Variants in CDCP1 observed in about 807,000 individuals in gnomAD.
CDCP1 encodes the protein CUB domain containing protein 1.
CDCP1 carries 29 observed loss-of-function variants against 60.2 expected under a neutral mutation model. The observed-to-expected ratio is 0.48, with a 90% CI of 0.36 to 0.66. The LOEUF (loss-of-function observed/expected upper bound fraction) is 0.66, where lower values mean the gene tolerates loss of function less well. Among genes scored for constraint, CDCP1 ranks in the 30% least tolerant of loss-of-function variants. The pLI, the probability that CDCP1 is intolerant of heterozygous loss-of-function variation, is 0.00. For synonymous variants in CDCP1, 387 were observed against 431.1 expected, an observed-to-expected ratio of 0.90 and a Z score of 1.27; for missense variants, 876 against 1,074.3, an observed-to-expected ratio of 0.82 and a Z score of 2.58.
Position 45,085,814 on chromosome 3 carries a change from T to C in CDCP1, c.2335A>G (p.Ile779Val). The C allele has an allele frequency of 6.2e-7, 1 of 1,613,986 alleles. No homozygotes were observed. Among genetic ancestry groups the C allele is most frequent in the Non-Finnish European group, 8.5e-7 (1 of 1,179,980 alleles). The change falls in exon 9 of 9, where the codon ATA (isoleucine) becomes GTA (valine). Residue 779 changes from isoleucine (I) to valine (V), a missense_variant. By Grantham distance (29) the Ile-to-Val change is conservative. This residue lies in a region of CDCP1 where 726 missense variants were observed against 935.7 expected (regional missense o/e 0.78). Transcript: ENST00000296129. This position sits in a 1 kb window ranked among gnomAD's most constrained non-coding sequence, Gnocchi z 4.2. ...MGVCPPSPPT[I>V]CSRAPTAKLA... is the part of the protein sequence containing the mutation. ...TTTGCAGTTGGGGCCCTGGAGCATA[T>C]GGTGGGTGGGGAGGGAGGACAGACC...
chr3:45,106,407 C>G (rs1698566139), intron 4 of CDCP1, among the ~76,000 whole-genome samples: 1 of 152,184 alleles, frequency 6.6e-6, no homozygotes, highest in Non-Finnish European at 1.5e-5. Context: ...CACCACCAAG[C>G]AGCTGCTCTC....
At position 45,092,030 on chromosome 3, in the gene CDCP1, A is replaced by C. The variant is rs949283520; in HGVS notation, c.1628-492T>G. Among the ~76,000 whole-genome samples the C allele has an allele frequency of 3.3e-5, 5 of 152,296 alleles. No individual in the cohort carries two copies. The East Asian group carries it at 9.7e-4, about 29-fold the overall frequency. On this transcript the variant is annotated intron_variant, in intron 6 of 8. Coordinates refer to ENST00000296129, the MANE Select transcript of CDCP1 (RefSeq NM_022842.5). ...GGCTGCTCTTGAACTCCTGAGCTCA[A>C]GTGATCTGCCTGCCTTGGCCTCCCA...
intron 1 of CDCP1, among the ~76,000 whole-genome samples, chr3:45,131,829 A>G (rs1305392612): frequency 1.3e-5 from 2 of 152,218 alleles, no homozygotes; most frequent in East Asian, 3.9e-4. Context: ...ATTGACCACT[A>G]CATTCAGAGA....
chr3:45,146,098 C>CGTCCCCGCCCTCT (rs2126012505), intron 1 of CDCP1, 108 bp downstream of exon 1: 1 of 1,007,326 alleles, frequency 9.9e-7, no homozygotes, highest in African/African-American at 1.9e-5. Flanking sequence ...CTCTCCGCAC[C>CGTCCCCGCCCTCT]CTCCGCACCC....
At chr3:45,095,652 T>C in intron 4 of CDCP1, 84 bp from the exon 5 acceptor site, 1 of 1,137,092 alleles carries the variant, frequency 8.8e-7, no homozygotes, top group Non-Finnish European at 1.3e-6. Context: ...AAACCTCTCC[T>C]GAGGAAGAAA....
At chr3:45,093,252 T>A (rs766944600) in intron 6 of CDCP1, 25 bp downstream of exon 6, 1 of 1,599,256 alleles carries the variant, frequency 6.3e-7, no homozygotes, top group Non-Finnish European at 8.5e-7. Context: ...TAAAGGGGCA[T>A]GGAGATAGGG....
At chr3:45,140,582 C>T (rs1044432551) in intron 1 of CDCP1, among the ~76,000 whole-genome samples, 4 of 152,196 alleles carry the variant, frequency 2.6e-5, no homozygotes, top group African/African-American at 9.7e-5. Context: ...AGCATCATTA[C>T]ATACCAGCTA....
At chr3:45,094,006 G>A (rs538573595) in intron 5 of CDCP1, among the ~76,000 whole-genome samples, 35 of 152,274 alleles carry the variant, frequency 2.3e-4, no homozygotes, top group African/African-American at 8.2e-4. Context: ...CCACCCAGAC[G>A]TGTTGCTCAG....
intron 1 of CDCP1, among the ~76,000 whole-genome samples, chr3:45,124,557 T>C (rs899638239): frequency 6.6e-6 from 1 of 152,160 alleles, no homozygotes; most frequent in African/African-American, 2.4e-5. Context: ...GGCTGCTCAG[T>C]CACGGCTTGC....
rs982025747 is a variant in CDCP1, at chr3:45,092,624, C to T, written c.1627+653G>A. Among the ~76,000 whole-genome samples, 3 of 152,198 alleles carry T rather than the reference C, an allele frequency of 2.0e-5. No homozygotes were observed. The East Asian group carries it at 5.8e-4, about 29-fold the overall frequency. ...GAGAATAAGAGTAGGAAATAAACATCAAAGGTCTTGGTCAATTTTAAAATG... is the reference window on the plus strand; with the variant it reads ...GAGAATAAGAGTAGGAAATAAACATTAAAGGTCTTGGTCAATTTTAAAATG... On this transcript the variant is annotated intron_variant, in intron 6 of 8. Transcript: ENST00000296129.
rs1395748764 is a variant in CDCP1, at chr3:45,146,235, A to T, written c.53T>A (p.Leu18Gln). The change falls in exon 1 of 9, where the codon CTG (leucine) becomes CAG (glutamine). Residue 18 changes from leucine (L) to glutamine (Q), a missense_variant. Leu to Gln is a moderately radical substitution (Grantham distance 113, BLOSUM62 -2). Coordinates refer to ENST00000296129, the MANE Select transcript of CDCP1 (RefSeq NM_022842.5). ...CCCGCGCGGCAGGCGCGCCGCACCC[A>T]GCAGCAGAACCCCTAGCAGTGCGAT... ...VSIALLGVLL[L>Q]GAARLPRGAE... 6.3e-7 allele frequency: 1 copy of T among 1,598,470 alleles called. No homozygotes were observed. The highest frequency in any genetic ancestry group is 8.5e-7 in the Non-Finnish European group (1 of 1,174,584).
chr3:45,117,104 TCTC>T (rs1648049526), intron 2 of CDCP1, among the ~76,000 whole-genome samples: 2 of 152,194 alleles, frequency 1.3e-5, no homozygotes, highest in South Asian at 4.1e-4. Flanking sequence ...TACTTCAATT[TCTC>T]CTTTTACTTT....
At chr3:45,094,260 C>CTT (rs1698357570) in intron 5 of CDCP1, among the ~76,000 whole-genome samples, 3 of 151,586 alleles carry the variant, frequency 2.0e-5, no homozygotes, top group African/African-American at 7.3e-5. Flanking sequence ...GAGTCTCACT[C>CTT]TATTGCCCAG....
At chr3:45,115,872 T>C (rs6795088) in intron 2 of CDCP1, among the ~76,000 whole-genome samples, 11 of 151,682 alleles carry the variant, frequency 7.3e-5, no homozygotes, top group African/African-American at 2.7e-4. Flanking sequence ...CCTGGCTAAT[T>C]GTTTGTAAAA....
intron 4 of CDCP1, among the ~76,000 whole-genome samples, chr3:45,096,974 A>G (rs890986132): frequency 6.6e-6 from 1 of 152,192 alleles, no homozygotes; most frequent in Non-Finnish European, 1.5e-5. Context: ...CTGCTGGATT[A>G]TTGGTCATTT....
intron 1 of CDCP1, among the ~76,000 whole-genome samples, chr3:45,124,731 T>C (rs6441891): frequency 0.65 from 98,151 of 152,108 alleles, 31,782 homozygotes; most frequent in South Asian, 0.69. Flanking sequence ...TAAGTCGTGA[T>C]ATGCTTTTAG....
At chr3:45,108,068 A>G (rs1331292221) in intron 4 of CDCP1, among the ~76,000 whole-genome samples, 1 of 151,914 alleles carries the variant, frequency 6.6e-6, no homozygotes, top group East Asian at 1.9e-4. Flanking sequence ...CAGTGAGCTG[A>G]GAGCCGAGAT....
chr3:45,107,799 C>A (rs1698593229), intron 4 of CDCP1, among the ~76,000 whole-genome samples: 1 of 152,070 alleles, frequency 6.6e-6, no homozygotes, highest in African/African-American at 2.4e-5. Context: ...AAGCTGCCTA[C>A]AAACACTTAG....
intron 2 of CDCP1, among the ~76,000 whole-genome samples, chr3:45,118,002 A>C (rs1698822295): frequency 6.6e-6 from 1 of 152,124 alleles, no homozygotes; most frequent in African/African-American, 2.4e-5. Context: ...CGTATCAGCC[A>C]GATATTTTTA....
Sources: gnomAD v4.1 joint callset for allele counts (sites outside exome capture counted in the v4.1 genomes callset) on GRCh38, gnomAD v4.1.1 for gene constraint, gnomAD v4.1.1 regional missense constraint, Gnocchi (gnomAD v3.1) non-coding constraint, MANE v1.5 for transcripts, NCBI Gene and HGNC (gene_info 2026-07-23, HGNC 2026-07-21) for gene names.